MEAF6: variants seen among roughly 807,000 people sequenced by gnomAD.
The protein encoded by MEAF6 is MYST/Esa1 associated factor 6.
Under a neutral mutation model 28.9 loss-of-function variants are expected in MEAF6, and 15 were observed. The observed-to-expected ratio is 0.52, with a 90% CI of 0.35 to 0.80. The LOEUF (loss-of-function observed/expected upper bound fraction) is 0.80. Ranked by LOEUF, MEAF6 falls within the 30% of genes least tolerant of loss-of-function variation. MEAF6 has a pLI of 0.01. For missense variants in MEAF6, 178 were observed against 237.5 expected (o/e 0.75, Z 1.65); for synonymous variants, 97 against 88.7 (o/e 1.09, Z -0.53).
Position 37,495,877 on chromosome 1 carries a change from A to G in MEAF6, c.567+8T>C. The G allele has an allele frequency of 6.2e-7, 1 of 1,614,000 alleles. No individual in the cohort carries two copies. Among genetic ancestry groups the G allele is most frequent in the Non-Finnish European group, 8.5e-7 (1 of 1,179,908 alleles). On this transcript the variant is annotated splice_region_variant and intron_variant, in intron 6 of 6. Transcript: ENST00000296214. ...CAGCCTCTCTGAAGTGGTCCGGCTG[A>G]TACTTACAGCTCGTGGTTTTTTGTT...
chr1:37,503,658 CAAAAAAAAAAAA>C (rs773565571), intron 4 of MEAF6, among the ~76,000 whole-genome samples: 5 of 47,926 alleles, frequency 1.0e-4, no homozygotes, highest in African/African-American at 3.3e-4. Flanking sequence ...AAGACTGTCT[CAAAAAAAAAAAA>C]AAAAAAAAAA....
Position 37,492,265 on chromosome 1 carries a change from T to C in MEAF6, c.*1834A>G, listed in dbSNP as rs1323839231. The stretch of plus-strand genomic sequence containing the variant: ...GGATGGTCTCGATCTCCTGACCTCG[T>C]GATCCGCCCGCTTCGGCCTCCCAAA... On this transcript the variant is annotated 3_prime_UTR_variant, in exon 7 of 7. Coordinates refer to ENST00000296214, the MANE Select transcript of MEAF6 (RefSeq NM_001270875.3). Among the ~76,000 whole-genome samples, 1 of 152,018 alleles carries C rather than the reference T, an allele frequency of 6.6e-6. No individual in the cohort carries two copies. Among genetic ancestry groups the C allele is most frequent in the African/African-American group, 2.4e-5 (1 of 41,382 alleles).
chr1:37,503,330 A>G (rs982960449), intron 4 of MEAF6, among the ~76,000 whole-genome samples: 11 of 152,246 alleles, frequency 7.2e-5, no homozygotes, highest in Admixed American at 5.2e-4. Flanking sequence ...AGCAAGCTCA[A>G]TAACAACTTG....
chr1:37,498,254 G>GT (rs1240518377), intron 5 of MEAF6, among the ~76,000 whole-genome samples: 1 of 152,104 alleles, frequency 6.6e-6, no homozygotes, highest in African/African-American at 2.4e-5. Flanking sequence ...TACAGTAGGT[G>GT]TATGAAACTA....
intron 5 of MEAF6, among the ~76,000 whole-genome samples, chr1:37,498,903 C>T (rs1569960022): frequency 6.6e-6 from 1 of 151,920 alleles, no homozygotes; most frequent in Non-Finnish European, 1.5e-5. Flanking sequence ...CCTGTAAACC[C>T]AGCACTTTGG....
intron 4 of MEAF6, 141 bp from the exon 5 acceptor site, chr1:37,502,137 GAT>G (rs1345889464): frequency 6.6e-5 from 32 of 488,064 alleles, no homozygotes; most frequent in South Asian, 2.5e-4. Flanking sequence ...TGACAGAGAA[GAT>G]ACATGTTGAC....
rs1641950935 is a variant in MEAF6 at position 37,492,050 on chromosome 1, A to G, written c.*2049T>C. ...GTCAAAAATATTTTTTTTTTTTGAG[A>G]TGGAGTCTCGCTCTGTCGCCCAGGC... On this transcript the variant is annotated 3_prime_UTR_variant, in exon 7 of 7. Transcript: ENST00000296214. Among the ~76,000 whole-genome samples, 1 of 147,648 alleles carries G rather than the reference A, an allele frequency of 6.8e-6. No homozygotes were observed. The highest frequency in any genetic ancestry group is 2.5e-5 in the African/African-American group (1 of 40,128).
chr1:37,503,999 T>C lies in MEAF6; in HGVS notation c.341-2003A>G, dbSNP rs72923201. On this transcript the variant is annotated intron_variant, in intron 4 of 6. Transcript: ENST00000296214. ...GTTATTGGTATGGTTTGGCTCTGTG[T>C]CCCTACCTAAATCTCAACTCGAATT... Among the ~76,000 whole-genome samples the C allele has an allele frequency of 8.5e-3, 1,294 of 152,304 alleles. 26 individuals carry two copies. Among genetic ancestry groups the C allele is most frequent in the African/African-American group, 0.03 (1,237 of 41,564 alleles).
At chr1:37,498,876 G>C (rs1642205516) in intron 5 of MEAF6, among the ~76,000 whole-genome samples, 1 of 152,108 alleles carries the variant, frequency 6.6e-6, no homozygotes, top group Admixed American at 6.6e-5. Flanking sequence ...TTCTGGCGGG[G>C]TGTGGTGTGG....
chr1:37,510,271 C>T (rs1442955568), intron 2 of MEAF6, among the ~76,000 whole-genome samples: 2 of 150,706 alleles, frequency 1.3e-5, no homozygotes, highest in African/African-American at 2.4e-5. Context: ...TTAGTAGAGA[C>T]GGGATTTCAC....
intron 4 of MEAF6, among the ~76,000 whole-genome samples, chr1:37,508,034 T>G (rs1642542600): frequency 6.6e-6 from 1 of 151,958 alleles, no homozygotes; most frequent in African/African-American, 2.4e-5. Context: ...AAGTACACAG[T>G]AATACCGAGA....
intron 5 of MEAF6, chr1:37,496,586 C>T: frequency 6.8e-7 from 1 of 1,468,350 alleles, no homozygotes. Context: ...AACTTCCCAG[C>T]CTAACCTAAT....
intron 4 of MEAF6, among the ~76,000 whole-genome samples, chr1:37,505,023 A>G (rs969926654): frequency 2.6e-5 from 4 of 151,904 alleles, no homozygotes; most frequent in Non-Finnish European, 5.9e-5. Flanking sequence ...AACTGGGATT[A>G]CAGGCACCCA....
At chr1:37,508,244 A>G (rs72924905) in intron 4 of MEAF6, among the ~76,000 whole-genome samples, 298 of 150,640 alleles carry the variant, frequency 2.0e-3, no homozygotes, top group African/African-American at 6.9e-3. Context: ...AAGAACATAC[A>G]GGTACATCCT....
intron 4 of MEAF6, among the ~76,000 whole-genome samples, chr1:37,504,897 T>G (rs1569975151): frequency 1.3e-5 from 2 of 152,204 alleles, no homozygotes; most frequent in Admixed American, 1.3e-4. Flanking sequence ...TTTCTTCTTT[T>G]TTGAGACAGA....
In MEAF6 at chr1:37,509,215, T is replaced by C. The variant is rs1642586269; in HGVS notation, c.340+63A>G. On this transcript the variant is annotated intron_variant, in intron 4 of 6. Coordinates refer to ENST00000296214, the MANE Select transcript of MEAF6 (RefSeq NM_001270875.3). The stretch of plus-strand genomic sequence containing the variant: ...TCCTCAGATACACAATTGGATGAAT[T>C]AAGTGTAAGGGTGATGGTAGCTTAA... The C allele has an allele frequency of 2.2e-6, 3 of 1,358,028 alleles. No homozygotes were observed. The Admixed American group carries it at 5.2e-5, about 23-fold the overall frequency. The allele number at this position is 1,358,028 out of a possible 1,614,324, so 84.1% of individuals were successfully genotyped here. A position where few individuals can be genotyped will look rare whatever the true frequency, so the allele number is the denominator to read the frequency against.
chr1:37,514,673 C>G lies in MEAF6; in HGVS notation c.74G>C (p.Arg25Pro). The G allele has an allele frequency of 6.5e-7, 1 of 1,542,598 alleles. No individual in the cohort carries two copies. The change falls in exon 1 of 7, where the codon CGG becomes CCG. Residue 25 changes from arginine to proline, a missense_variant. Physicochemically the swap from Arg to Pro is moderately radical, Grantham distance 103 (BLOSUM62 -2). Transcript: ENST00000296214. Reference sequence around the variant, plus strand: ...GCCCCTCACCGCCAGCTCCTGCTTCCGCTTCACGAGCTCCGCCAGCTCCCG... The same window carrying G: ...GCCCCTCACCGCCAGCTCCTGCTTCGGCTTCACGAGCTCCGCCAGCTCCCG... ...TRRELAELVK[R>P]KQELAETLAN...
Position 37,496,032 on chromosome 1 carries a change from C to T in MEAF6, c.534-114G>A. 4.8e-6 allele frequency: 4 copies of T among 837,090 alleles called. No homozygotes were observed. In the South Asian group the frequency reaches 5.9e-5, roughly 12 times the overall value. 51.9% of individuals were successfully genotyped at this position (837,090 alleles called of 1,614,324 possible). A position where few individuals can be genotyped will look rare whatever the true frequency, so the allele number is the denominator to read the frequency against. ...CAAAGACTATTTGGTTAAGAAAAAT[C>T]CACATTCTTCATTAGACTATGTCAT... is the stretch of plus-strand genomic sequence containing the variant. On this transcript the variant is annotated intron_variant, in intron 5 of 6. Transcript: ENST00000296214.
chr1:37,498,190 C>T (rs1642181261), intron 5 of MEAF6, among the ~76,000 whole-genome samples: 2 of 152,158 alleles, frequency 1.3e-5, no homozygotes, highest in Admixed American at 6.5e-5. Context: ...TGGAAGAAAG[C>T]TTAATGTCAA....
Sources: gnomAD v4.1 joint callset for allele counts (sites outside exome capture counted in the v4.1 genomes callset) on GRCh38, gnomAD v4.1.1 for gene constraint, MANE v1.5 for transcripts, NCBI Gene and HGNC (gene_info 2026-07-23, HGNC 2026-07-21) for gene names.